The following CIP2A variants were observed in gnomAD, a reference collection of about 807,000 sequenced individuals.
CIP2A encodes protein CIP2A.
CIP2A carries 103 observed loss-of-function variants against 110.9 expected under a neutral mutation model. The observed-to-expected ratio is 0.93, with a 90% CI of 0.79 to 1.09. CIP2A has a LOEUF of 1.09. Ranked by LOEUF, CIP2A falls within the 50% of genes least tolerant of loss-of-function variation. The probability of loss-of-function intolerance (pLI) is 0.00; values close to 1 mark genes in which losing one functional copy is unlikely to be tolerated. For missense variants in CIP2A, 1,088 were observed against 1,038.4 expected (o/e 1.05, Z -0.66); for synonymous variants, 381 against 361.6 (o/e 1.05, Z -0.61).
At chr3:108,576,916 G>C (rs142733472) in intron 7 of CIP2A, among the ~76,000 whole-genome samples, 2 of 152,238 alleles carry the variant, frequency 1.3e-5, no homozygotes, top group African/African-American at 2.4e-5. Flanking sequence ...GAAGATGACA[G>C]AAAGAGATAA....
chr3:108,576,587 A>G (rs930967379), intron 7 of CIP2A, among the ~76,000 whole-genome samples: 1 of 152,206 alleles, frequency 6.6e-6, no homozygotes, highest in Non-Finnish European at 1.5e-5. Context: ...CAATAAATAA[A>G]TCATTAAATT....
chr3:108,563,215 A>G lies in CIP2A; in HGVS notation c.1545T>C (p.Phe515=). The G allele has an allele frequency of 6.2e-7, 1 of 1,612,410 alleles. No homozygotes were observed. Among genetic ancestry groups the G allele is most frequent in the Non-Finnish European group, 8.5e-7 (1 of 1,178,736 alleles). Reference sequence around the variant, plus strand: ...GTTCTCTATTATCTGACGTTAAAGCAAAAGCCAAAGGAGTAATCAAACGTG... The same window carrying G: ...GTTCTCTATTATCTGACGTTAAAGCGAAAGCCAAAGGAGTAATCAAACGTG... ...QDPRLITPLA[F]ALTSDNREQV... The change falls in exon 13 of 21, where the codon TTT becomes TTC. Residue 515 remains phenylalanine (F), a synonymous_variant. Coordinates refer to ENST00000295746, the MANE Select transcript of CIP2A (RefSeq NM_020890.3).
At chr3:108,562,451 T>C (rs1280860679) in intron 13 of CIP2A, among the ~76,000 whole-genome samples, 2 of 152,128 alleles carry the variant, frequency 1.3e-5, no homozygotes, top group African/African-American at 4.8e-5. Context: ...TACCTGTTTA[T>C]CAACTACTTC....
At position 108,581,306 on chromosome 3, in the gene CIP2A, C is replaced by T. The variant is rs1000401962; in HGVS notation, c.549+109G>A. 4.0e-6 allele frequency: 3 copies of T among 756,052 alleles called. No homozygotes were observed. The African/African-American group carries it at 5.3e-5, about 13-fold the overall frequency. The allele number at this position is 756,052 out of a possible 1,614,324, so 46.8% of individuals were successfully genotyped here. A position where few individuals can be genotyped will look rare whatever the true frequency, so the allele number is the denominator to read the frequency against. ...AATTTTGATGGGTCATCCGATAAGA[C>T]ACAGAATCCTTGTTCAAATTTGTTT... On this transcript the variant is annotated intron_variant, in intron 5 of 20. Transcript: ENST00000295746.
chr3:108,583,183 G>T, intron 2 of CIP2A, 100 bp from the exon 3 acceptor site: 4 of 517,658 alleles, frequency 7.7e-6, no homozygotes, highest in South Asian at 1.1e-4. Flanking sequence ...TATTAAAAAA[G>T]GTATGATATG....
intron 20 of CIP2A, among the ~76,000 whole-genome samples, chr3:108,551,574 G>A (rs996790988): frequency 3.3e-5 from 5 of 151,988 alleles, no homozygotes; most frequent in Non-Finnish European, 7.4e-5. Flanking sequence ...AAATTTTGCA[G>A]AAAATACTAC....
chr3:108,581,172 G>A (rs1194576479), intron 5 of CIP2A, among the ~76,000 whole-genome samples: 1 of 152,152 alleles, frequency 6.6e-6, no homozygotes, highest in Non-Finnish European at 1.5e-5. Context: ...CCATGCTGAG[G>A]AAAACTTTTA....
At position 108,569,511 on chromosome 3, in the gene CIP2A, G is replaced by C. The variant is rs1938311580; in HGVS notation, c.991C>G (p.Leu331Val). 6 of 1,612,714 alleles carry C rather than the reference G, an allele frequency of 3.7e-6. No individual in the cohort carries two copies. Among genetic ancestry groups the C allele is most frequent in the Non-Finnish European group, 5.1e-6 (6 of 1,179,322 alleles). Residue 331 changes from leucine (L) to valine (V), a missense_variant, in exon 9 of 21, where the codon CTG (leucine) becomes GTG (valine). Leu to Val is a conservative substitution (Grantham distance 32). Transcript: ENST00000295746. ...TCTAAACATTTAGTATGGCTTCCCA[G>C]AGTGGCGCTGCCAGGTGGAGACTGT... is the stretch of plus-strand genomic sequence containing the variant. ...FEQSPPGSAT[L>V]GSHTKCLEPT...
intron 1 of CIP2A, among the ~76,000 whole-genome samples, chr3:108,587,729 A>G (rs956867023): frequency 6.6e-6 from 1 of 152,162 alleles, no homozygotes; most frequent in Non-Finnish European, 1.5e-5. Flanking sequence ...AAACCCCTTG[A>G]AAGTTTAGGA....
At chr3:108,585,250 G>A (rs1213603104) in intron 1 of CIP2A, 38 bp from the exon 2 acceptor site, 2 of 1,535,156 alleles carry the variant, frequency 1.3e-6, no homozygotes, top group African/African-American at 2.8e-5. Context: ...GTTAAGCGAT[G>A]GCAATTTTCA....
At chr3:108,553,952 T>C (rs1937696301) in intron 18 of CIP2A, among the ~76,000 whole-genome samples, 1 of 143,324 alleles carries the variant, frequency 7.0e-6, no homozygotes, top group Non-Finnish European at 1.5e-5. Context: ...TGGAGTGCAG[T>C]GGCATGATCT....
Position 108,569,492 on chromosome 3 carries a change from C to CA in CIP2A, c.1009dup (p.Cys337LeufsTer35). 6.2e-7 allele frequency: 1 copy of CA among 1,612,844 alleles called. No individual in the cohort carries two copies. ...CAGTAGAGCCACAGTAGGTTCTAAA[C>CA]ATTTAGTATGGCTTCCCAGAGTGGC... On this transcript the variant is annotated frameshift_variant, in exon 9 of 21. Transcript: ENST00000295746. LOFTEE classifies it high-confidence loss of function.
chr3:108,568,238 AGTT>A lies in CIP2A; in HGVS notation c.1187_1189del (p.Gln396del). ...ATCTAGATTTTGTTCTGTGAACTGAAGTTGATCAAGGATTGTAGGCAGCAGAAG... is the reference window on the plus strand; with the variant it reads ...ATCTAGATTTTGTTCTGTGAACTGAAGATCAAGGATTGTAGGCAGCAGAAG... On this transcript the variant is annotated inframe_deletion, in exon 10 of 21. Coordinates refer to ENST00000295746, the MANE Select transcript of CIP2A (RefSeq NM_020890.3). The A allele has an allele frequency of 6.2e-7, 1 of 1,612,252 alleles. No individual in the cohort carries two copies.
At chr3:108,583,824 C>T (rs1938963405) in intron 2 of CIP2A, among the ~76,000 whole-genome samples, 1 of 152,094 alleles carries the variant, frequency 6.6e-6, no homozygotes, top group Admixed American at 6.6e-5. Flanking sequence ...TAAATACCCT[C>T]AATTGATCAT....
At position 108,587,412 on chromosome 3, in the gene CIP2A, GAC is replaced by G. The variant is rs150114503; in HGVS notation, c.102+1860_102+1861del. Among the ~76,000 whole-genome samples, 63 of 152,190 alleles carry G rather than the reference GAC, an allele frequency of 4.1e-4. No homozygotes were observed. The East Asian group carries it at 0.011, about 27-fold the overall frequency. Reference sequence around the variant, plus strand: ...AGATTTTATTGAGTGGAAAAGGCCAGACACAAGAGTACATATTGTATGAGTCT... The same window carrying G: ...AGATTTTATTGAGTGGAAAAGGCCAGACAAGAGTACATATTGTATGAGTCT... On this transcript the variant is annotated intron_variant, in intron 1 of 20. Coordinates refer to ENST00000295746, the MANE Select transcript of CIP2A (RefSeq NM_020890.3).
chr3:108,570,279 G>C (rs1191982387), intron 8 of CIP2A, among the ~76,000 whole-genome samples: 2 of 151,792 alleles, frequency 1.3e-5, no homozygotes, highest in African/African-American at 2.4e-5. Flanking sequence ...TTAAAAGTCT[G>C]TTTCTTACAA....
At chr3:108,574,549 A>T (rs923013343) in intron 8 of CIP2A, 1 of 152,362 alleles carries the variant, frequency 6.6e-6, no homozygotes, top group Non-Finnish European at 1.5e-5. Context: ...AGGTTTCTTT[A>T]TAATAGCTGA....
intron 8 of CIP2A, among the ~76,000 whole-genome samples, chr3:108,571,582 G>C (rs1576309332): frequency 6.6e-6 from 1 of 152,138 alleles, no homozygotes; most frequent in East Asian, 1.9e-4. Flanking sequence ...GAAGCAGATA[G>C]CTTTCCATGT....
intron 10 of CIP2A, among the ~76,000 whole-genome samples, chr3:108,566,867 G>C (rs1938207125): frequency 6.6e-6 from 1 of 151,680 alleles, no homozygotes. Context: ...AAAACAGCGA[G>C]GATATCTTTC....
Sources: allele counts gnomAD v4.1 joint callset (sites outside exome capture counted in the v4.1 genomes callset), GRCh38; gene constraint gnomAD v4.1.1; transcripts MANE v1.5; gene names NCBI Gene and HGNC (gene_info 2026-07-23, HGNC 2026-07-21).